The following AHI1 variants were observed in gnomAD, a reference collection of about 807,000 sequenced individuals.
AHI1 encodes jouberin.
A neutral mutation model predicts 149.3 loss-of-function variants in AHI1; 123 were observed. That is an observed-to-expected ratio of 0.82 (90% CI 0.71 to 0.96). The LOEUF (loss-of-function observed/expected upper bound fraction) is 0.96. AHI1 is among the 40% of genes least tolerant of loss of function. AHI1 has a pLI of 0.00. For synonymous variants in AHI1, 475 were observed against 459.8 expected (o/e 1.03, Z -0.42); for missense variants, 1,439 against 1,422.7 (o/e 1.01, Z -0.18).
chr6:135,430,302 T>G (rs1484126515), intron 17 of AHI1, among the ~76,000 whole-genome samples: 1 of 151,950 alleles, frequency 6.6e-6, no homozygotes, highest in East Asian at 1.9e-4. Context: ...AAACACATCT[T>G]GTAACATTAC....
intron 20 of AHI1, among the ~76,000 whole-genome samples, chr6:135,424,895 A>G (rs1783719099): frequency 6.6e-6 from 1 of 151,916 alleles, no homozygotes; most frequent in African/African-American, 2.4e-5. Context: ...TATTTATGTA[A>G]AGCCATATGT....
At chr6:135,352,964 T>C (rs527474135) in intron 24 of AHI1, among the ~76,000 whole-genome samples, 11 of 151,900 alleles carry the variant, frequency 7.2e-5, no homozygotes, top group Non-Finnish European at 1.6e-4. Context: ...TCCAGTAATA[T>C]AAAATTTTCA....
rs1245690441 is a variant in AHI1 at position 135,466,031 on chromosome 6, C to T, written c.532G>A (p.Glu178Lys). 3 of 1,613,850 alleles carry T rather than the reference C, an allele frequency of 1.9e-6. No homozygotes were observed. The highest frequency in any genetic ancestry group is 2.7e-5 in the African/African-American group (2 of 74,934). ...TCATCCTCTTCTAAATCAGTCTCTT[C>T]TCTTCCCTCATTTGCCTTCTCACTT... is the stretch of plus-strand genomic sequence containing the variant. ...QKSEKANEGREETDLEEDEEL... is the reference protein window; with the variant it reads ...QKSEKANEGRKETDLEEDEEL... The change falls in exon 7 of 29, where the codon GAA (glutamate) becomes AAA (lysine). Residue 178 changes from glutamate to lysine, a missense_variant. Physicochemically the swap from Glu to Lys is moderately conservative, Grantham distance 56. Transcript: ENST00000265602.
intron 5 of AHI1, among the ~76,000 whole-genome samples, chr6:135,473,457 T>C (rs1378153360): frequency 6.6e-6 from 1 of 152,152 alleles, no homozygotes; most frequent in Non-Finnish European, 1.5e-5. Flanking sequence ...AAATTTCTGG[T>C]TTTTTGACTA....
At chr6:135,388,004 T>C (rs756276732) in intron 23 of AHI1, 13 of 1,613,646 alleles carry the variant, frequency 8.1e-6, no homozygotes, top group Admixed American at 3.3e-5. Context: ...CACCATAATA[T>C]ACATGTGTTG....
At chr6:135,310,434 T>G (rs964314627) in intron 26 of AHI1, among the ~76,000 whole-genome samples, 2 of 152,186 alleles carry the variant, frequency 1.3e-5, no homozygotes, top group African/African-American at 2.4e-5. Flanking sequence ...GGAACTACCA[T>G]GAAGTTATCT....
intron 28 of AHI1, among the ~76,000 whole-genome samples, chr6:135,287,441 C>G (rs1009572286): frequency 6.6e-6 from 1 of 152,160 alleles, no homozygotes; most frequent in Non-Finnish European, 1.5e-5. Context: ...GTCATGTGCA[C>G]CCTTCGGACA....
At position 135,411,341 on chromosome 6, in the gene AHI1, A is replaced by T; in HGVS notation, c.2961+7T>A. The T allele has an allele frequency of 6.2e-7, 1 of 1,611,550 alleles. No individual in the cohort carries two copies. The highest frequency in any genetic ancestry group is 8.5e-7 in the Non-Finnish European group (1 of 1,177,900). ...TTTAAAGTTTCAACTGCATAAAATAAACTTACTGTGACAGTTTCAAGCCTC... is the reference window on the plus strand; with the variant it reads ...TTTAAAGTTTCAACTGCATAAAATATACTTACTGTGACAGTTTCAAGCCTC... On this transcript the variant is annotated splice_region_variant and intron_variant, in intron 21 of 28. Coordinates refer to ENST00000265602, the MANE Select transcript of AHI1 (RefSeq NM_001134831.2).
intron 5 of AHI1, among the ~76,000 whole-genome samples, chr6:135,472,270 T>C (rs1791874647): frequency 1.3e-5 from 2 of 152,138 alleles, no homozygotes; most frequent in Admixed American, 1.3e-4. Context: ...GACTTTCACA[T>C]AAATGAAATT....
At chr6:135,411,219 A>T (rs1040379715) in intron 21 of AHI1, 129 bp downstream of exon 21, 2 of 866,404 alleles carry the variant, frequency 2.3e-6, no homozygotes, top group Non-Finnish European at 3.5e-6. Flanking sequence ...CCTGAAAGGA[A>T]CCATAAAAGT....
chr6:135,327,280 T>C (rs1787848658), intron 24 of AHI1, among the ~76,000 whole-genome samples: 1 of 152,194 alleles, frequency 6.6e-6, no homozygotes, highest in Non-Finnish European at 1.5e-5. Flanking sequence ...CTTGTATCCA[T>C]TTCAGGTCCT....
intron 20 of AHI1, among the ~76,000 whole-genome samples, chr6:135,422,269 C>A (rs1426327297): frequency 6.6e-6 from 1 of 152,130 alleles, no homozygotes; most frequent in Admixed American, 6.6e-5. Flanking sequence ...GTAATCCCAG[C>A]ACTTTGGGAG....
At chr6:135,331,881 C>T (rs547537901) in intron 24 of AHI1, among the ~76,000 whole-genome samples, 2 of 152,204 alleles carry the variant, frequency 1.3e-5, no homozygotes, top group African/African-American at 4.8e-5. Context: ...CTCCGGGCTT[C>T]CAGAACTGTG....
chr6:135,403,165 G>C (rs957649638), intron 22 of AHI1, among the ~76,000 whole-genome samples: 2 of 152,098 alleles, frequency 1.3e-5, no homozygotes. Flanking sequence ...GTATGTGTAG[G>C]AATTGGGAAT....
chr6:135,307,423 C>A (rs1402445674), intron 26 of AHI1, among the ~76,000 whole-genome samples: 1 of 152,046 alleles, frequency 6.6e-6, no homozygotes, highest in Admixed American at 6.6e-5. Flanking sequence ...CAATAGATAT[C>A]TAAATTTAAT....
rs2128350907 is a variant in AHI1, at chr6:135,300,484, T to C, written c.3485+16A>G. 1.9e-6 allele frequency: 3 copies of C among 1,592,246 alleles called. No homozygotes were observed. On this transcript the variant is annotated intron_variant, in intron 27 of 28. Coordinates refer to ENST00000265602, the MANE Select transcript of AHI1 (RefSeq NM_001134831.2). ...AACCATTTATCACTGCAAATTATTT[T>C]GAAGAAGTTGCTTACTGTGTCATAG... is the stretch of plus-strand genomic sequence containing the variant.
rs17064529 is a variant in AHI1, at chr6:135,453,256, T to C, written c.1440+85A>G. 3.0e-3 allele frequency: 3,130 copies of C among 1,038,714 alleles called. 79 individuals are homozygous for C. The African/African-American group carries it at 0.044, about 15-fold the overall frequency. 64.3% of individuals were successfully genotyped at this position (1,038,714 alleles called of 1,614,324 possible). On this transcript the variant is annotated intron_variant, in intron 11 of 28. Coordinates refer to ENST00000265602, the MANE Select transcript of AHI1 (RefSeq NM_001134831.2). ...CATTACCTTAGATTCTAATTCCTTA[T>C]ATGAGACCAAACTGATTTGGGAGAA...
chr6:135,382,233 T>C (rs941079834), intron 23 of AHI1, among the ~76,000 whole-genome samples: 14 of 152,236 alleles, frequency 9.2e-5, no homozygotes, highest in Non-Finnish European at 1.8e-4. Context: ...TCACTTTCCG[T>C]ATTTCTCAGT....
In AHI1 at chr6:135,290,534, G is replaced by A; in HGVS notation, c.3486-9C>T. The A allele has an allele frequency of 6.2e-7, 1 of 1,613,424 alleles. No homozygotes were observed. On this transcript the variant is annotated splice_polypyrimidine_tract_variant and intron_variant, in intron 27 of 28. Transcript: ENST00000265602. ...CTTTTCTCATTTCAGAACTATAGGA[G>A]GGAAAGATCAGAAACAAGGAGCCAG...
Sources: allele counts gnomAD v4.1 joint callset (sites outside exome capture counted in the v4.1 genomes callset), GRCh38; gene constraint gnomAD v4.1.1; transcripts MANE v1.5; gene names NCBI Gene and HGNC (gene_info 2026-07-23, HGNC 2026-07-21).